SEL1L: variants seen among roughly 807,000 people sequenced by gnomAD.
SEL1L encodes the protein protein sel-1 homolog 1.
SEL1L carries 52 observed loss-of-function variants against 109.8 expected under a neutral mutation model. That is an observed-to-expected ratio of 0.47 (90% confidence interval 0.38 to 0.60). The LOEUF (loss-of-function observed/expected upper bound fraction) is 0.60. Among genes scored for constraint, SEL1L ranks in the 20% least tolerant of loss-of-function variants. The pLI is 0.00. For missense variants in SEL1L, 749 were observed against 962.2 expected (o/e 0.78, Z 2.93); for synonymous variants, 373 against 339.6 (o/e 1.10, Z -1.08).
chr14:81,499,180 CAG>C (rs1362670718), intron 8 of SEL1L: 1 of 1,152,954 alleles, frequency 8.7e-7, no homozygotes, highest in African/African-American at 1.6e-5. Context: ...AATTCCAACT[CAG>C]AGAAAATTTA....
chr14:81,478,619 C>A (rs1250682477), intron 20 of SEL1L, among the ~76,000 whole-genome samples: 1 of 152,206 alleles, frequency 6.6e-6, no homozygotes, highest in Non-Finnish European at 1.5e-5. Flanking sequence ...GCGGTTACAG[C>A]ACACCTGACT....
At chr14:81,493,328 A>G (rs769526452) in intron 11 of SEL1L, among the ~76,000 whole-genome samples, 2 of 151,926 alleles carry the variant, frequency 1.3e-5, no homozygotes, top group Non-Finnish European at 2.9e-5. Context: ...TGGCCAATAT[A>G]GTGAAACTCC....
chr14:81,530,930 G>A (rs1265742773), intron 1 of SEL1L, among the ~76,000 whole-genome samples: 2 of 152,090 alleles, frequency 1.3e-5, no homozygotes, highest in Non-Finnish European at 2.9e-5. Flanking sequence ...AAGTATTTGT[G>A]TACATAAACA....
chr14:81,493,892 G>A (rs980138971), intron 11 of SEL1L, among the ~76,000 whole-genome samples: 2 of 152,120 alleles, frequency 1.3e-5, no homozygotes, highest in African/African-American at 4.8e-5. Flanking sequence ...TCCATCCTAA[G>A]TCTACCTGTA....
intron 18 of SEL1L, among the ~76,000 whole-genome samples, chr14:81,485,064 A>T (rs1903477597): frequency 6.6e-6 from 1 of 152,256 alleles, no homozygotes; most frequent in South Asian, 2.1e-4. Context: ...CTTAGGTTTC[A>T]GACTAATGTT....
intron 3 of SEL1L, among the ~76,000 whole-genome samples, chr14:81,510,034 G>A (rs1228973297): frequency 6.6e-6 from 1 of 152,216 alleles, no homozygotes; most frequent in African/African-American, 2.4e-5. Context: ...GTGAAGCCAG[G>A]GAAGAGGATC....
chr14:81,495,327 G>T (rs78845094), intron 10 of SEL1L, among the ~76,000 whole-genome samples, 190 bp from the exon 11 acceptor site: 1 of 152,096 alleles, frequency 6.6e-6, no homozygotes, highest in Non-Finnish European at 1.5e-5. Context: ...AAGTAAAAAC[G>T]TGTACTTGTA....
rs372191350 is a variant in SEL1L, at chr14:81,502,876, G to T, written c.622C>A (p.Arg208=). 1.9e-6 allele frequency: 3 copies of T among 1,601,884 alleles called. No homozygotes were observed. Among genetic ancestry groups the T allele is most frequent in the East Asian group, 4.5e-5 (2 of 44,542 alleles). Residue 208 remains arginine (R), a synonymous_variant, in exon 6 of 21, where the codon CGG becomes AGG. Coordinates refer to ENST00000336735, the MANE Select transcript of SEL1L (RefSeq NM_005065.6). ...ATGCTTGCTGCCTTTTGGAGATACCGATATGCTCTTCAAATGTAAACAATT... is the reference window on the plus strand; with the variant it reads ...ATGCTTGCTGCCTTTTGGAGATACCTATATGCTCTTCAAATGTAAACAATT... ...NKKSQKREAY[R]YLQKAASMNH...
At chr14:81,491,512 A>G (rs1883536021) in intron 12 of SEL1L, among the ~76,000 whole-genome samples, 1 of 152,226 alleles carries the variant, frequency 6.6e-6, no homozygotes, top group Non-Finnish European at 1.5e-5. Context: ...TATGCTATGG[A>G]ACAGCTGGAA....
intron 3 of SEL1L, among the ~76,000 whole-genome samples, chr14:81,514,185 G>T (rs190974857): frequency 1.3e-5 from 2 of 152,160 alleles, no homozygotes; most frequent in Non-Finnish European, 2.9e-5. Flanking sequence ...CCATCGGGGC[G>T]GGGGACTAAC....
chr14:81,474,089 C>A lies in SEL1L; in HGVS notation c.*2883G>T, dbSNP rs1394446459. 6.6e-6 allele frequency: 1 copy of A among 151,832 alleles called. No homozygotes were observed. The highest frequency in any genetic ancestry group is 1.9e-4 in the East Asian group (1 of 5,200). 9.4% of individuals were successfully genotyped at this position (151,832 alleles called of 1,614,324 possible). A position where few individuals can be genotyped will look rare whatever the true frequency, so the allele number is the denominator to read the frequency against. ...CAAAAAAGTAACAAATCCTTAGTAT[C>A]AAGATTAATAATTTATAAATTCATC... is the stretch of plus-strand genomic sequence containing the variant. On this transcript the variant is annotated 3_prime_UTR_variant, in exon 21 of 21. Transcript: ENST00000336735.
intron 18 of SEL1L, among the ~76,000 whole-genome samples, chr14:81,485,451 GTTT>G (rs370288974): frequency 7.2e-6 from 1 of 138,810 alleles, no homozygotes; most frequent in Admixed American, 7.2e-5. Context: ...AATTTTTTTT[GTTT>G]TTTTTTTTTT....
At chr14:81,501,963 C>T (rs1345867026) in intron 6 of SEL1L, among the ~76,000 whole-genome samples, 3 of 151,026 alleles carry the variant, frequency 2.0e-5, no homozygotes, top group East Asian at 1.9e-4. Context: ...AAAAACTGGC[C>T]CTATCTCTAA....
chr14:81,482,711 T>G (rs1903397150), intron 19 of SEL1L, among the ~76,000 whole-genome samples: 1 of 152,220 alleles, frequency 6.6e-6, no homozygotes, highest in African/African-American at 2.4e-5. Context: ...AGTAATATTC[T>G]AAGTATTAAG....
Position 81,487,370 on chromosome 14 carries a change from G to C in SEL1L, c.1632+20C>G. 1 of 1,553,598 alleles carries C rather than the reference G, an allele frequency of 6.4e-7. No individual in the cohort carries two copies. The highest frequency in any genetic ancestry group is 8.6e-7 in the Non-Finnish European group (1 of 1,159,482). On this transcript the variant is annotated intron_variant, in intron 16 of 20. Coordinates refer to ENST00000336735, the MANE Select transcript of SEL1L (RefSeq NM_005065.6). ...GGGCAAATCAACTCCCTACACACAA[G>C]CTGGTAGGAAAGACCTTACCTCCAC...
At chr14:81,477,302 A>ACTGT in intron 20 of SEL1L, 121 bp from the exon 21 acceptor site, 3 of 403,986 alleles carry the variant, frequency 7.4e-6, no homozygotes, top group East Asian at 5.2e-5. Flanking sequence ...AACGTTTTGC[A>ACTGT]ATGTGTGTGT....
intron 17 of SEL1L, 43 bp from the exon 18 acceptor site, chr14:81,485,789 A>C: frequency 6.5e-7 from 1 of 1,539,822 alleles, no homozygotes; most frequent in Non-Finnish European, 9.0e-7. Context: ...ATTTAAGAAA[A>C]GGCACTAGAC....
At chr14:81,523,204 T>A (rs1884991223) in intron 3 of SEL1L, among the ~76,000 whole-genome samples, 1 of 152,054 alleles carries the variant, frequency 6.6e-6, no homozygotes, top group Non-Finnish European at 1.5e-5. Context: ...TTAGATTAGA[T>A]TAGAGGGTTA....
At chr14:81,483,600 A>G (rs1360500455) in intron 19 of SEL1L, among the ~76,000 whole-genome samples, 1 of 152,240 alleles carries the variant, frequency 6.6e-6, no homozygotes, top group East Asian at 1.9e-4. Flanking sequence ...TAAAAAATTA[A>G]TAATGGTAAG....
Sources: gnomAD v4.1 joint callset for allele counts (sites outside exome capture counted in the v4.1 genomes callset) on GRCh38, gnomAD v4.1.1 for gene constraint, MANE v1.5 for transcripts, NCBI Gene and HGNC (gene_info 2026-07-23, HGNC 2026-07-21) for gene names.